AGAP6: variants seen among roughly 807,000 people sequenced by gnomAD.
AGAP6 encodes the protein arf-GAP with GTPase, ANK repeat and PH domain-containing protein 6.
In AGAP6, 29 loss-of-function variants were observed where a neutral mutation model predicts 63.9. The observed-to-expected ratio is 0.45, with a 90% CI of 0.34 to 0.62. AGAP6 has a LOEUF of 0.62. AGAP6 is among the 20% of genes least tolerant of loss of function. The pLI, the probability that AGAP6 is intolerant of heterozygous loss-of-function variation, is 0.01. For synonymous variants in AGAP6, 199 were observed against 332.9 expected, an observed-to-expected ratio of 0.60 and a Z score of 4.38; for missense variants, 493 against 884.9, an observed-to-expected ratio of 0.56 and a Z score of 5.62.
chr10:50,000,224 T>TTAAA (rs1408180482), intron 4 of AGAP6, among the ~76,000 whole-genome samples: 1 of 44,940 alleles, frequency 2.2e-5, no homozygotes, highest in African/African-American at 1.0e-4. Context: ...TGTGACTACC[T>TTAAA]TAAATAATAC....
intron 2 of AGAP6, among the ~76,000 whole-genome samples, chr10:49,989,948 C>T (rs568524572): frequency 3.9e-4 from 59 of 152,282 alleles, no homozygotes; most frequent in African/African-American, 1.3e-3. Context: ...TATTTACCTG[C>T]TTGTTCTAAA....
At chr10:49,991,405 T>A (rs1278366068) in intron 2 of AGAP6, among the ~76,000 whole-genome samples, 6 of 149,652 alleles carry the variant, frequency 4.0e-5, no homozygotes, top group African/African-American at 1.2e-4. Context: ...TTTTTTTTTT[T>A]AATAAAGGAG....
intron 6 of AGAP6, among the ~76,000 whole-genome samples, 167 bp downstream of exon 6, chr10:50,004,887 A>AT (rs1841854632): frequency 1.3e-5 from 2 of 152,266 alleles, no homozygotes; most frequent in East Asian, 3.8e-4. Context: ...CATAATTCTT[A>AT]AATGACTGAG....
intron 3 of AGAP6, among the ~76,000 whole-genome samples, chr10:49,993,468 A>AT (rs1841362379): frequency 1.3e-5 from 2 of 151,896 alleles, no homozygotes; most frequent in Non-Finnish European, 1.5e-5. Flanking sequence ...GGAAAAAAAA[A>AT]TGATTTTTTG....
rs1234877094 is a variant in AGAP6 at position 50,000,020 on chromosome 10, C to T, written c.397-1976C>T. Among the ~76,000 whole-genome samples, 23 of 130,424 alleles carry T rather than the reference C, an allele frequency of 1.8e-4. 3 individuals are homozygous for T. Among genetic ancestry groups the T allele is most frequent in the African/African-American group, 6.0e-4 (20 of 33,282 alleles). 85.6% of individuals were successfully genotyped at this position (130,424 alleles called of 152,430 possible). A position where few individuals can be genotyped will look rare whatever the true frequency, so the allele number is the denominator to read the frequency against. ...CAGAAGAAGTCAGTGCGTGGGCATC[C>T]GCATCCAATGGGTACTGCACCTTTG... On this transcript the variant is annotated intron_variant, in intron 4 of 7. Coordinates refer to ENST00000412531, the MANE Select transcript of AGAP6 (RefSeq NM_001077665.3).
intron 4 of AGAP6, among the ~76,000 whole-genome samples, chr10:49,996,078 T>C (rs1554861892): frequency 6.6e-6 from 1 of 152,202 alleles, no homozygotes; most frequent in Admixed American, 6.5e-5. Flanking sequence ...GATAGTCTTG[T>C]TATTCAGATG....
intron 5 of AGAP6, 34 bp from the exon 6 acceptor site, chr10:50,004,651 C>T (rs1841839895): frequency 3.6e-6 from 4 of 1,102,100 alleles, no homozygotes; most frequent in Non-Finnish European, 5.1e-6. Flanking sequence ...CAAATGATAA[C>T]ATCTATTGTT....
In AGAP6 at chr10:50,009,226, G is replaced by A. The variant is rs2132167165; in HGVS notation, c.1101G>A (p.Met367Ile). 6.2e-7 allele frequency: 1 copy of A among 1,614,220 alleles called. No homozygotes were observed. The highest frequency in any genetic ancestry group is 2.2e-5 in the East Asian group (1 of 44,888). Residue 367 changes from methionine to isoleucine, a missense_variant, in exon 8 of 8, where the codon ATG becomes ATA. Met to Ile is a conservative substitution (Grantham distance 10). Around this residue, in one of 7 missense-constraint regions of AGAP6, gnomAD observed 342 missense variants for 533.4 expected, o/e 0.64. Transcript: ENST00000412531. ...SSKSNGLSKD[M>I]DTGLGDSICF... ...AAAGCAATGGCCTATCCAAGGACAT[G>A]GACACCGGGCTGGGTGACTCCATAT...
At chr10:49,995,467 A>G (rs1243966372) in intron 4 of AGAP6, among the ~76,000 whole-genome samples, 2 of 152,126 alleles carry the variant, frequency 1.3e-5, no homozygotes, top group Non-Finnish European at 2.9e-5. Flanking sequence ...TCCCCCAAGT[A>G]TTGTAGCATT....
In AGAP6 at chr10:50,009,312, A is replaced by T. The variant is rs782734305; in HGVS notation, c.1187A>T (p.His396Leu). The T allele has an allele frequency of 1.9e-6, 3 of 1,613,994 alleles. No homozygotes were observed. The African/African-American group carries it at 4.0e-5, about 22-fold the overall frequency. ...AAGCTCAACCCGCCCCCCTCTCCTCATGCTAATAAAAAGAAACACCTAAAG... is the reference window on the plus strand; with the variant it reads ...AAGCTCAACCCGCCCCCCTCTCCTCTTGCTAATAAAAAGAAACACCTAAAG... ...SPKLNPPPSP[H>L]ANKKKHLKKK... The change falls in exon 8 of 8, where the codon CAT becomes CTT. Residue 396 changes from histidine to leucine, a missense_variant. Transcript: ENST00000412531.
chr10:49,989,605 A>G (rs577242875), intron 2 of AGAP6, among the ~76,000 whole-genome samples: 159 of 152,150 alleles, frequency 1.0e-3, no homozygotes, highest in African/African-American at 3.7e-3. Context: ...GTTCCTATTC[A>G]AATATTTGGG....
At chr10:49,991,801 G>A (rs1210057400) in intron 3 of AGAP6, 57 bp downstream of exon 3, 5 of 1,590,428 alleles carry the variant, frequency 3.1e-6, no homozygotes, top group Admixed American at 3.5e-5. Flanking sequence ...TGTTTGATCA[G>A]GTTATAGAAA....
At chr10:50,004,626 T>A in intron 5 of AGAP6, 59 bp from the exon 6 acceptor site, 1 of 881,014 alleles carries the variant, frequency 1.1e-6, no homozygotes, top group South Asian at 1.8e-5. Context: ...TTTTAAAAAA[T>A]GTCTTCAGGC....
chr10:50,005,335 G>C (rs1841875612), intron 6 of AGAP6, among the ~76,000 whole-genome samples: 1 of 151,252 alleles, frequency 6.6e-6, no homozygotes, highest in African/African-American at 2.4e-5. Context: ...TAAGAGGCTG[G>C]GCACGGTGGC....
chr10:49,997,450 A>G (rs1477669257), intron 4 of AGAP6, among the ~76,000 whole-genome samples: 26 of 152,176 alleles, frequency 1.7e-4, no homozygotes, highest in African/African-American at 6.0e-4. Flanking sequence ...GTTAACTATA[A>G]TTGCACCACT....
rs530253604 is a variant in AGAP6 at position 49,994,261 on chromosome 10, T to A, written c.362-134T>A. ...TAATCATGCCAGATAATTTAAATTA[T>A]AAATTATTGAAAATTATTTTTTAAA... On this transcript the variant is annotated intron_variant, in intron 3 of 7. Transcript: ENST00000412531. The A allele has an allele frequency of 8.9e-4, 930 of 1,039,462 alleles. 5 individuals carry two copies. In the African/African-American group the frequency reaches 0.014, roughly 16 times the overall value. 64.4% of individuals were successfully genotyped at this position (1,039,462 alleles called of 1,614,324 possible).
chr10:49,997,034 T>C (rs1554862061), intron 4 of AGAP6, among the ~76,000 whole-genome samples: 1 of 147,326 alleles, frequency 6.8e-6, no homozygotes, highest in African/African-American at 2.5e-5. Context: ...GGTCAATCTA[T>C]TATATTTAAT....
chr10:49,993,223 AACATATCC>A (rs1233469701), intron 3 of AGAP6, among the ~76,000 whole-genome samples: 1 of 152,206 alleles, frequency 6.6e-6, no homozygotes, highest in Non-Finnish European at 1.5e-5. Flanking sequence ...TTGGAGGGGC[AACATATCC>A]AAAACATATC....
intron 4 of AGAP6, among the ~76,000 whole-genome samples, chr10:49,998,646 T>G (rs1841584885): frequency 7.1e-6 from 1 of 139,876 alleles, no homozygotes; most frequent in Non-Finnish European, 1.5e-5. Context: ...AATCAGGTAA[T>G]GTCATGCCTC....
Sources: gnomAD v4.1 joint callset for allele counts (sites outside exome capture counted in the v4.1 genomes callset) on GRCh38, gnomAD v4.1.1 for gene constraint, gnomAD v4.1.1 regional missense constraint, MANE v1.5 for transcripts, NCBI Gene and HGNC (gene_info 2026-07-23, HGNC 2026-07-21) for gene names.